The following CYTH3 variants were observed in gnomAD, a reference collection of about 807,000 sequenced individuals.
The protein encoded by CYTH3 is cytohesin-3.
Under a neutral mutation model 55.1 loss-of-function variants are expected in CYTH3, and 23 were observed. The ratio of observed to expected loss-of-function variants is 0.42; its 90% confidence interval spans 0.30 to 0.59. CYTH3 has a LOEUF of 0.59. Among genes scored for constraint, CYTH3 ranks in the 20% least tolerant of loss-of-function variants. The probability of loss-of-function intolerance (pLI) is 0.20; values close to 1 mark genes in which losing one functional copy is unlikely to be tolerated. For missense variants in CYTH3, 413 were observed against 524.8 expected (o/e 0.79, Z 2.08); for synonymous variants, 249 against 194.9 (o/e 1.28, Z -2.31).
chr7:6,265,299 T>C (rs1780460008), intron 1 of CYTH3, among the ~76,000 whole-genome samples: 1 of 151,352 alleles, frequency 6.6e-6, no homozygotes, highest in Non-Finnish European at 1.5e-5. Flanking sequence ...CTATGAGGTT[T>C]ACTATCCGGC....
At chr7:6,222,351 C>T (rs1032352220) in intron 1 of CYTH3, among the ~76,000 whole-genome samples, 1 of 152,192 alleles carries the variant, frequency 6.6e-6, no homozygotes, top group African/African-American at 2.4e-5. Context: ...CTCGTGTTCC[C>T]CCCCATATCC....
intron 1 of CYTH3, among the ~76,000 whole-genome samples, chr7:6,211,789 G>C (rs1173822026): frequency 6.6e-6 from 1 of 152,084 alleles, no homozygotes; most frequent in African/African-American, 2.4e-5. Flanking sequence ...CTGTGGCCCA[G>C]AGTTTGAGAC....
chr7:6,241,268 C>T (rs915637315), intron 1 of CYTH3, among the ~76,000 whole-genome samples: 5 of 152,184 alleles, frequency 3.3e-5, no homozygotes, highest in African/African-American at 1.2e-4. Flanking sequence ...GGGAACTAAT[C>T]CCCTACTATG....
intron 5 of CYTH3, among the ~76,000 whole-genome samples, chr7:6,176,214 G>A (rs1218504373): frequency 8.0e-6 from 1 of 125,672 alleles, no homozygotes. Flanking sequence ...CTTAATATCT[G>A]TTTCAGTTTA....
At chr7:6,209,795 C>T (rs1451680824) in intron 1 of CYTH3, among the ~76,000 whole-genome samples, 2 of 152,176 alleles carry the variant, frequency 1.3e-5, no homozygotes, top group Non-Finnish European at 2.9e-5. Context: ...GATCAGCTCT[C>T]AAGCCTTGAA....
chr7:6,177,377 C>A (rs1031335116), intron 5 of CYTH3, among the ~76,000 whole-genome samples: 1 of 152,224 alleles, frequency 6.6e-6, no homozygotes, highest in African/African-American at 2.4e-5. Context: ...CTAAGCCAGT[C>A]GCAGTCAGAA....
intron 1 of CYTH3, chr7:6,212,788 A>G (rs1784349898): frequency 6.6e-6 from 1 of 152,178 alleles, no homozygotes; most frequent in African/African-American, 2.4e-5. Flanking sequence ...TGGAGAGACC[A>G]CATTTTGCTT....
chr7:6,170,374 G>A lies in CYTH3; in HGVS notation c.823+161C>T, dbSNP rs1399636256. Among the ~76,000 whole-genome samples, 1 of 152,144 alleles carries A rather than the reference G, an allele frequency of 6.6e-6. No individual in the cohort carries two copies. The highest frequency in any genetic ancestry group is 1.5e-5 in the Non-Finnish European group (1 of 68,020). On this transcript the variant is annotated intron_variant, in intron 9 of 12. Coordinates refer to ENST00000350796, the MANE Select transcript of CYTH3 (RefSeq NM_004227.4). The surrounding 1 kb of genome is among the most constrained non-coding windows in gnomAD (Gnocchi z 7.8). Reference sequence around the variant, plus strand: ...GCCCCGGCTCGGAGAAGCAGCCGTGGCCATGCAGCTACCGAGAGCGGGCTC... The same window carrying A: ...GCCCCGGCTCGGAGAAGCAGCCGTGACCATGCAGCTACCGAGAGCGGGCTC...
chr7:6,167,225 C>T lies in CYTH3; in HGVS notation c.824-1415G>A, dbSNP rs558337766. ...GCAAGCCCTTGGCCTTCACCTTCCCCACCTCCACTGCAGCACACCAGGGAG... is the reference window on the plus strand; with the variant it reads ...GCAAGCCCTTGGCCTTCACCTTCCCTACCTCCACTGCAGCACACCAGGGAG... On this transcript the variant is annotated intron_variant, in intron 9 of 12. Transcript: ENST00000350796. The surrounding 1 kb of genome is among the most constrained non-coding windows in gnomAD (Gnocchi z 5.5). Among the ~76,000 whole-genome samples the T allele has an allele frequency of 6.6e-6, 1 of 152,308 alleles. No homozygotes were observed. The highest frequency in any genetic ancestry group is 2.1e-4 in the South Asian group (1 of 4,832).
intron 1 of CYTH3, among the ~76,000 whole-genome samples, chr7:6,201,463 G>T (rs1311256001): frequency 3.3e-5 from 5 of 152,156 alleles, no homozygotes; most frequent in African/African-American, 1.2e-4. Context: ...AGCCTTCTTT[G>T]GATTAGGTGA....
chr7:6,174,554 T>G (rs1562878650), intron 5 of CYTH3, among the ~76,000 whole-genome samples: 1 of 145,198 alleles, frequency 6.9e-6, no homozygotes, highest in Non-Finnish European at 1.5e-5. Flanking sequence ...TTTTTTTTTT[T>G]TTTTTTTTTT....
At position 6,170,969 on chromosome 7, in the gene CYTH3, T is replaced by C; in HGVS notation, c.572A>G (p.Tyr191Cys). ...CATGATGATGGCGAATGACAGCACGTAGCACGTGTCTGCAACGAGTCCGGG... is the reference window on the plus strand; with the variant it reads ...CATGATGATGGCGAATGACAGCACGCAGCACGTGTCTGCAACGAGTCCGGG... The part of the protein sequence containing the change: ...PGVFQSTDTC[Y>C]VLSFAIIMLN... The change falls in exon 8 of 13, where the codon TAC (tyrosine) becomes TGC (cysteine). Residue 191 changes from tyrosine (Y) to cysteine (C), a missense_variant. Around this residue, in one of 4 missense-constraint regions of CYTH3, gnomAD observed 156 missense variants for 233.1 expected, o/e 0.67. Transcript: ENST00000350796. The surrounding 1 kb of genome is among the most constrained non-coding windows in gnomAD (Gnocchi z 7.8). 6.2e-7 allele frequency: 1 copy of C among 1,613,892 alleles called. No homozygotes were observed. The highest frequency in any genetic ancestry group is 2.2e-5 in the East Asian group (1 of 44,872).
At chr7:6,237,664 G>A (rs1444600447) in intron 1 of CYTH3, among the ~76,000 whole-genome samples, 2 of 152,032 alleles carry the variant, frequency 1.3e-5, no homozygotes, top group African/African-American at 4.8e-5. Flanking sequence ...AGCCCAGATC[G>A]CGCCACTGCA....
intron 4 of CYTH3, among the ~76,000 whole-genome samples, chr7:6,181,460 T>C (rs1291156924): frequency 6.6e-6 from 1 of 152,242 alleles, no homozygotes; most frequent in African/African-American, 2.4e-5. Context: ...CCCTCCTGTC[T>C]TTGATCCAGC....
At chr7:6,187,563 A>G in intron 3 of CYTH3, 94 bp downstream of exon 3, 1 of 1,130,966 alleles carries the variant, frequency 8.8e-7, no homozygotes, top group Non-Finnish European at 1.4e-6. Context: ...CCCACATCCC[A>G]ACCACTCTCA....
intron 2 of CYTH3, among the ~76,000 whole-genome samples, chr7:6,190,174 G>A (rs1381253000): frequency 1.3e-5 from 2 of 152,190 alleles, no homozygotes; most frequent in African/African-American, 2.4e-5. Context: ...CTGGGTTTGC[G>A]AGCTGGCTAC....
At chr7:6,189,659 G>A (rs1783748893) in intron 2 of CYTH3, among the ~76,000 whole-genome samples, 1 of 152,008 alleles carries the variant, frequency 6.6e-6, no homozygotes, top group African/African-American at 2.4e-5. Flanking sequence ...TACACAGCTG[G>A]AACCCAATAC....
chr7:6,176,849 G>GT (rs750711795), intron 5 of CYTH3, among the ~76,000 whole-genome samples: 7 of 152,270 alleles, frequency 4.6e-5, no homozygotes, highest in South Asian at 2.1e-4. Flanking sequence ...TTAAAGTGGG[G>GT]TTTTTTATAG....
chr7:6,228,059 G>C (rs929752829), intron 1 of CYTH3, among the ~76,000 whole-genome samples: 3 of 152,218 alleles, frequency 2.0e-5, no homozygotes, highest in Non-Finnish European at 4.4e-5. Flanking sequence ...GTGGAAATGT[G>C]AAGCTTTCCC....
Sources: allele counts gnomAD v4.1 joint callset (sites outside exome capture counted in the v4.1 genomes callset), GRCh38; gene constraint gnomAD v4.1.1; regional missense constraint gnomAD v4.1.1; non-coding constraint Gnocchi (gnomAD v3.1); transcripts MANE v1.5; gene names NCBI Gene and HGNC (gene_info 2026-07-23, HGNC 2026-07-21).